COLEC11: variants seen among roughly 807,000 people sequenced by gnomAD.
COLEC11 encodes the protein collectin subfamily member 11, also known as collectin-11.
A neutral mutation model predicts 27.3 loss-of-function variants in COLEC11; 20 were observed. The ratio of observed to expected loss-of-function variants is 0.73; its 90% CI spans 0.51 to 1.06. The LOEUF is 1.06. Among genes scored for constraint, COLEC11 ranks in the 50% least tolerant of loss-of-function variants. The pLI is 0.00. For synonymous variants in COLEC11, 163 were observed against 154.7 expected, an observed-to-expected ratio of 1.05 and a Z score of -0.40; for missense variants, 310 against 383.0, an observed-to-expected ratio of 0.81 and a Z score of 1.59.
chr2:3,625,364 G>A (rs972886192), intron 3 of COLEC11, among the ~76,000 whole-genome samples: 1 of 152,180 alleles, frequency 6.6e-6, no homozygotes, highest in African/African-American at 2.4e-5. Flanking sequence ...CGACTGCTGA[G>A]ACAGCGTTCT....
At chr2:3,630,182 C>T (rs754168490) in intron 3 of COLEC11, among the ~76,000 whole-genome samples, 1 of 152,024 alleles carries the variant, frequency 6.6e-6, no homozygotes, top group Non-Finnish European at 1.5e-5. Flanking sequence ...GATGTCTGTG[C>T]ATGCATATGT....
At chr2:3,626,148 A>T (rs1664537463) in intron 3 of COLEC11, 1 of 1,394,896 alleles carries the variant, frequency 7.2e-7, no homozygotes, top group Admixed American at 1.7e-5. Flanking sequence ...AGATGCAGAG[A>T]ATAGGCAACC....
intron 5 of COLEC11, 41 bp downstream of exon 5, chr2:3,640,372 T>A: frequency 9.1e-6 from 11 of 1,203,448 alleles, no homozygotes; most frequent in Non-Finnish European, 1.4e-5. Flanking sequence ...TAAAATGTAT[T>A]AAAAATTGCA....
intron 3 of COLEC11, among the ~76,000 whole-genome samples, chr2:3,619,331 G>A (rs931091971): frequency 6.6e-6 from 1 of 152,080 alleles, no homozygotes; most frequent in Admixed American, 6.5e-5. Context: ...GCGAGAATGG[G>A]CATCCTTGCC....
intron 3 of COLEC11, among the ~76,000 whole-genome samples, chr2:3,614,766 A>G (rs1398047042): frequency 6.6e-6 from 1 of 152,222 alleles, no homozygotes; most frequent in Non-Finnish European, 1.5e-5. Context: ...AACTACCAGA[A>G]ACCTGGCAAA....
At chr2:3,605,261 G>C (rs1439600194) in intron 2 of COLEC11, among the ~76,000 whole-genome samples, 1 of 151,604 alleles carries the variant, frequency 6.6e-6, no homozygotes, top group African/African-American at 2.4e-5. Context: ...GGCCGCAGCA[G>C]AGTCCAGGCC....
intron 3 of COLEC11, among the ~76,000 whole-genome samples, chr2:3,621,459 G>A (rs1485139679): frequency 6.6e-6 from 1 of 152,064 alleles, no homozygotes; most frequent in African/African-American, 2.4e-5. Flanking sequence ...GTATATAGTT[G>A]GGTCTTCTTT....
intron 3 of COLEC11, among the ~76,000 whole-genome samples, chr2:3,629,255 T>G (rs1664796662): frequency 6.6e-6 from 1 of 152,200 alleles, no homozygotes; most frequent in Non-Finnish European, 1.5e-5. Context: ...ACAATCTCAG[T>G]GGATTTCAAC....
intron 4 of COLEC11, 35 bp downstream of exon 4, chr2:3,637,639 CT>C (rs1229370056): frequency 5.2e-6 from 8 of 1,550,792 alleles, no homozygotes; most frequent in East Asian, 2.2e-5. Flanking sequence ...CATTTCCCCC[CT>C]GCCCCTAGGG....
At chr2:3,634,168 C>T (rs1326861343) in intron 3 of COLEC11, among the ~76,000 whole-genome samples, 3 of 152,264 alleles carry the variant, frequency 2.0e-5, no homozygotes, top group East Asian at 3.9e-4. Context: ...GTGCTCAGGC[C>T]GTGACTGGGC....
chr2:3,617,664 T>C, intron 3 of COLEC11: 3 of 1,611,880 alleles, frequency 1.9e-6, no homozygotes, highest in Non-Finnish European at 1.7e-6. Flanking sequence ...ATCTCAGCCA[T>C]ATCGGGTTTG....
Position 3,595,128 on chromosome 2 carries a change from A to G in COLEC11, c.-67A>G, listed in dbSNP as rs749370657. ...CCTGGGGGCAGTGTCCTCGCGGGCC[A>G]GCGACGGGCAGGACGCCCCGTTCGC... On this transcript the variant is annotated 5_prime_UTR_variant, in exon 1 of 7. Coordinates refer to ENST00000349077, the MANE Select transcript of COLEC11 (RefSeq NM_024027.5). 2.8e-6 allele frequency: 1 copy of G among 362,894 alleles called. No homozygotes were observed. The highest frequency in any genetic ancestry group is 5.6e-6 in the Non-Finnish European group (1 of 179,300). The allele number at this position is 362,894 out of a possible 1,614,324, so 22.5% of individuals were successfully genotyped here. A position where few individuals can be genotyped will look rare whatever the true frequency, so the allele number is the denominator to read the frequency against.
chr2:3,637,121 C>T (rs1003235072), intron 3 of COLEC11, among the ~76,000 whole-genome samples: 5 of 152,166 alleles, frequency 3.3e-5, no homozygotes, highest in Non-Finnish European at 7.3e-5. Context: ...CCAGTTATGT[C>T]CATGCTTACA....
chr2:3,643,682 G>T (rs764266711), intron 6 of COLEC11, 45 bp from the exon 7 acceptor site: 1 of 1,612,950 alleles, frequency 6.2e-7, no homozygotes, highest in East Asian at 2.2e-5. Flanking sequence ...TAAGTTTGTT[G>T]CACACATACA....
At chr2:3,634,053 ACTCT>A (rs112273302) in intron 3 of COLEC11, among the ~76,000 whole-genome samples, 50 of 152,162 alleles carry the variant, frequency 3.3e-4, no homozygotes, top group African/African-American at 1.2e-3. Context: ...TCTTGCCCTA[ACTCT>A]CTCCCAAAGG....
chr2:3,638,279 C>G (rs73910313), intron 4 of COLEC11, among the ~76,000 whole-genome samples: 5,273 of 152,294 alleles, frequency 0.035, 317 homozygotes, highest in African/African-American at 0.12. Context: ...GGTCAGTGGA[C>G]GTCTTTGGAG....
rs1328810988 is a variant in COLEC11 at position 3,644,287 on chromosome 2, A to G, written c.*169A>G. 1.2e-6 allele frequency: 1 copy of G among 833,904 alleles called. No individual in the cohort carries two copies. Among genetic ancestry groups the G allele is most frequent in the Non-Finnish European group, 2.0e-6 (1 of 506,930 alleles). The allele number at this position is 833,904 out of a possible 1,614,324, so 51.7% of individuals were successfully genotyped here. On this transcript the variant is annotated 3_prime_UTR_variant, in exon 7 of 7. Transcript: ENST00000349077. ...GAGAAAATGGCCTATGCTTAAGAGG[A>G]AAATGAAAGTGTTCCTGGGGTGCTG... is the stretch of plus-strand genomic sequence containing the variant.
chr2:3,629,850 CATGT>C (rs565600722), intron 3 of COLEC11, among the ~76,000 whole-genome samples: 4 of 152,040 alleles, frequency 2.6e-5, no homozygotes, highest in Admixed American at 1.3e-4. Context: ...TGTTTGTATT[CATGT>C]ATGTATGTTT....
intron 2 of COLEC11, among the ~76,000 whole-genome samples, chr2:3,611,348 C>T (rs1253280613): frequency 6.6e-6 from 1 of 152,240 alleles, no homozygotes; most frequent in Admixed American, 6.5e-5. Context: ...CTGCTCGGCT[C>T]TTTCCGCTGC....
Sources: gnomAD v4.1 joint callset for allele counts (sites outside exome capture counted in the v4.1 genomes callset) on GRCh38, gnomAD v4.1.1 for gene constraint, MANE v1.5 for transcripts, NCBI Gene and HGNC (gene_info 2026-07-23, HGNC 2026-07-21) for gene names.